The following NTRK3 variants were observed in gnomAD, a reference collection of about 807,000 sequenced individuals.
NTRK3 encodes NT-3 growth factor receptor.
NTRK3 carries 24 observed loss-of-function variants against 91.7 expected under a neutral mutation model. The observed-to-expected ratio is 0.26, with a 90% CI of 0.19 to 0.37. NTRK3 has a LOEUF of 0.37. Among genes scored for constraint, NTRK3 ranks in the 10% least tolerant of loss-of-function variants. The pLI is 1.00. For synonymous variants in NTRK3, 483 were observed against 404.0 expected (o/e 1.20, Z -2.34); for missense variants, 880 against 1,068.9 (o/e 0.82, Z 2.46).
At chr15:88,157,024 CAA>C (rs1021162245) in intron 5 of NTRK3, among the ~76,000 whole-genome samples, 1 of 152,096 alleles carries the variant, frequency 6.6e-6, no homozygotes, top group African/African-American at 2.4e-5. Flanking sequence ...GGCCTAGGGA[CAA>C]AGACAATCCT....
At chr15:88,097,733 T>C (rs1036145794) in intron 13 of NTRK3, among the ~76,000 whole-genome samples, 1 of 152,186 alleles carries the variant, frequency 6.6e-6, no homozygotes, top group African/African-American at 2.4e-5. Context: ...GTTATAATGA[T>C]TACATAATAA....
chr15:88,122,955 C>A (rs1488982636), intron 13 of NTRK3, among the ~76,000 whole-genome samples: 2 of 152,132 alleles, frequency 1.3e-5, no homozygotes, highest in Non-Finnish European at 2.9e-5. Flanking sequence ...TGCCATAGGT[C>A]GCTCCTGGTC....
chr15:87,979,031 G>A (rs1193871827), intron 14 of NTRK3: 8 of 462,174 alleles, frequency 1.7e-5, no homozygotes, highest in Non-Finnish European at 3.1e-5. Flanking sequence ...AGAATGGCTA[G>A]TGTATTTAAA....
At chr15:88,229,094 A>T (rs1433883813) in intron 3 of NTRK3, among the ~76,000 whole-genome samples, 1 of 152,214 alleles carries the variant, frequency 6.6e-6, no homozygotes, top group East Asian at 1.9e-4. Context: ...GACATAGCTG[A>T]GTGCTGGACC....
chr15:87,884,581 G>C (rs1468267326), intron 17 of NTRK3, among the ~76,000 whole-genome samples: 1 of 151,590 alleles, frequency 6.6e-6, no homozygotes, highest in Non-Finnish European at 1.5e-5. Context: ...ACTATGTTAT[G>C]AATATACTCT....
At chr15:88,177,805 G>A (rs182749487) in intron 5 of NTRK3, among the ~76,000 whole-genome samples, 21 of 152,340 alleles carry the variant, frequency 1.4e-4, no homozygotes, top group Admixed American at 5.2e-4. Context: ...ACCAACATGT[G>A]TTGGGAGGAA....
rs79422369 is a variant in NTRK3, at chr15:87,964,836, G to C, written c.1586-24083C>G. On this transcript the variant is annotated intron_variant, in intron 14 of 18. Transcript: ENST00000394480. ...GTGCTTCATTCCTTTTTATTGCTGA[G>C]TAGTAATCCATTCTATGGTTACACC... is the stretch of plus-strand genomic sequence containing the variant. Among the ~76,000 whole-genome samples the C allele has an allele frequency of 3.9e-5, 6 of 152,308 alleles. No homozygotes were observed. The East Asian group carries it at 1.2e-3, about 29-fold the overall frequency.
chr15:88,055,711 G>C (rs1312062580), intron 13 of NTRK3, among the ~76,000 whole-genome samples: 1 of 152,076 alleles, frequency 6.6e-6, no homozygotes. Flanking sequence ...TGAGAACCCA[G>C]GATTTCCAGT....
At chr15:88,156,617 A>G (rs1288097235) in intron 5 of NTRK3, among the ~76,000 whole-genome samples, 1 of 152,082 alleles carries the variant, frequency 6.6e-6, no homozygotes, top group Non-Finnish European at 1.5e-5. Flanking sequence ...CTGCAAGCAC[A>G]GTGTGAGTGG....
chr15:88,183,635 G>A (rs921540335), intron 4 of NTRK3, 146 bp from the exon 5 acceptor site: 10 of 812,298 alleles, frequency 1.2e-5, no homozygotes, highest in South Asian at 7.0e-5. Flanking sequence ...AGTTATCACA[G>A]GTGGCCTGCT....
intron 13 of NTRK3, among the ~76,000 whole-genome samples, chr15:88,118,998 C>A (rs1159113981): frequency 6.6e-6 from 1 of 152,206 alleles, no homozygotes; most frequent in African/African-American, 2.4e-5. Context: ...AGCCAGCTAG[C>A]AGGTAGCCAC....
intron 14 of NTRK3, among the ~76,000 whole-genome samples, chr15:88,030,136 T>C (rs2078393731): frequency 6.6e-6 from 1 of 152,236 alleles, no homozygotes; most frequent in African/African-American, 2.4e-5. Flanking sequence ...ATGATTTTCC[T>C]CTGATAAGGC....
intron 3 of NTRK3, among the ~76,000 whole-genome samples, chr15:88,215,349 C>T (rs2049662690): frequency 6.6e-6 from 1 of 152,252 alleles, no homozygotes; most frequent in African/African-American, 2.4e-5. Flanking sequence ...ACACGGCCCC[C>T]CACTGCCCCA....
chr15:87,940,556 C>A (rs2142015789), intron 15 of NTRK3, 67 bp downstream of exon 15: 1 of 1,607,252 alleles, frequency 6.2e-7, no homozygotes, highest in South Asian at 1.1e-5. Context: ...TGGAGGGAGC[C>A]TCTTCCTTCC....
At chr15:88,070,867 C>T (rs2047034476) in intron 13 of NTRK3, among the ~76,000 whole-genome samples, 1 of 151,928 alleles carries the variant, frequency 6.6e-6, no homozygotes, top group Admixed American at 6.6e-5. Context: ...AAAGCCATAA[C>T]CAAAACCCAA....
At chr15:87,993,726 C>T (rs2075463193) in intron 14 of NTRK3, among the ~76,000 whole-genome samples, 1 of 152,096 alleles carries the variant, frequency 6.6e-6, no homozygotes, top group African/African-American at 2.4e-5. Context: ...ATATCAAATC[C>T]CTGCTTGCAC....
At chr15:88,029,860 C>A (rs2078372127) in intron 14 of NTRK3, among the ~76,000 whole-genome samples, 1 of 152,248 alleles carries the variant, frequency 6.6e-6, no homozygotes, top group Non-Finnish European at 1.5e-5. Context: ...AATCAGAGAC[C>A]TGCTGCTGGC....
chr15:88,057,257 G>A (rs572765320), intron 13 of NTRK3, among the ~76,000 whole-genome samples: 1 of 151,936 alleles, frequency 6.6e-6, no homozygotes, highest in South Asian at 2.1e-4. Flanking sequence ...GGTGCTTTGG[G>A]AGGCCGAGGT....
At chr15:88,032,088 A>G (rs1021769465) in intron 14 of NTRK3, among the ~76,000 whole-genome samples, 2 of 152,112 alleles carry the variant, frequency 1.3e-5, no homozygotes, top group African/African-American at 4.8e-5. Context: ...TCCTGGGGAC[A>G]GGAAGAGTAG....
Sources: gnomAD v4.1 joint callset for allele counts (sites outside exome capture counted in the v4.1 genomes callset) on GRCh38, gnomAD v4.1.1 for gene constraint, MANE v1.5 for transcripts, NCBI Gene and HGNC (gene_info 2026-07-23, HGNC 2026-07-21) for gene names.